EXT1: variants seen among roughly 807,000 people sequenced by gnomAD.
EXT1 encodes the protein exostosin glycosyltransferase 1, also known as exostosin-1.
A neutral mutation model predicts 82.5 loss-of-function variants in EXT1; 20 were observed. The ratio of observed to expected loss-of-function variants is 0.24; its 90% CI spans 0.17 to 0.35. The LOEUF is 0.35. Among genes scored for constraint, EXT1 ranks in the 10% least tolerant of loss-of-function variants. EXT1 has a pLI of 1.00. For synonymous variants in EXT1, 348 were observed against 350.8 expected (o/e 0.99, Z 0.09); for missense variants, 757 against 936.5 (o/e 0.81, Z 2.50).
At chr8:118,052,221 A>ATT (rs927349248) in intron 1 of EXT1, among the ~76,000 whole-genome samples, 2 of 152,202 alleles carry the variant, frequency 1.3e-5, no homozygotes, top group African/African-American at 4.8e-5. Flanking sequence ...AATATGATGG[A>ATT]TTGTTATCTT....
chr8:117,818,298 T>C, intron 7 of EXT1, 137 bp downstream of exon 7: 3 of 740,574 alleles, frequency 4.1e-6, no homozygotes, highest in South Asian at 3.0e-5. Flanking sequence ...AATCTGAGAA[T>C]ATTCTGAGAA....
chr8:118,035,293 G>A (rs1476736378), intron 1 of EXT1, among the ~76,000 whole-genome samples: 1 of 152,168 alleles, frequency 6.6e-6, no homozygotes, highest in African/African-American at 2.4e-5. Flanking sequence ...CAGAGTCGGT[G>A]TGCGGTAGGC....
Position 118,110,510 on chromosome 8 carries a change from C to G in EXT1, c.537G>C (p.Gln179His), listed in dbSNP as rs1817877999. 6.2e-7 allele frequency: 1 copy of G among 1,614,158 alleles called. No homozygotes were observed. Among genetic ancestry groups the G allele is most frequent in the Non-Finnish European group, 8.5e-7 (1 of 1,180,026 alleles). Residue 179 changes from glutamine to histidine, a missense_variant, in exon 1 of 11, where the codon CAG (glutamine) becomes CAC (histidine). Physicochemically the swap from Gln to His is conservative, Grantham distance 24 (BLOSUM62 0). Coordinates refer to ENST00000378204, the MANE Select transcript of EXT1 (RefSeq NM_000127.3). ...TACCATTGTTCCACAAGTGGAGACT[C>G]TGCACTTTGGATCTCAAATTGTGCA... ...QYVHNLRSKV[Q>H]SLHLWNNGRN... is the part of the protein sequence containing the mutation.
intron 7 of EXT1, among the ~76,000 whole-genome samples, chr8:117,814,995 G>A (rs1484960768): frequency 6.6e-6 from 1 of 152,124 alleles, no homozygotes; most frequent in Non-Finnish European, 1.5e-5. Flanking sequence ...TGGCTTCAGG[G>A]GTTGCTCCTA....
chr8:117,989,241 C>A (rs1194255721), intron 1 of EXT1, among the ~76,000 whole-genome samples: 1 of 150,942 alleles, frequency 6.6e-6, no homozygotes, highest in Non-Finnish European at 1.5e-5. Context: ...GGAATTCCTC[C>A]CCCCACCCCC....
intron 1 of EXT1, among the ~76,000 whole-genome samples, chr8:117,961,368 CAG>C (rs1491156141): frequency 6.6e-6 from 1 of 152,134 alleles, no homozygotes; most frequent in Non-Finnish European, 1.5e-5. Flanking sequence ...GATTGGGGGA[CAG>C]GGGGATTCTG....
chr8:117,918,515 T>C (rs1813795131), intron 1 of EXT1, among the ~76,000 whole-genome samples: 1 of 152,220 alleles, frequency 6.6e-6, no homozygotes, highest in Admixed American at 6.5e-5. Flanking sequence ...CTCTTGAATC[T>C]AGGCTGGCTT....
intron 1 of EXT1, among the ~76,000 whole-genome samples, chr8:117,968,923 C>T (rs1336985667): frequency 1.3e-5 from 2 of 152,192 alleles, no homozygotes; most frequent in Non-Finnish European, 2.9e-5. Flanking sequence ...CTATTGTATA[C>T]AGCTCTGTCT....
chr8:117,913,663 T>C (rs1231748451), intron 1 of EXT1, among the ~76,000 whole-genome samples: 2 of 152,190 alleles, frequency 1.3e-5, no homozygotes, highest in East Asian at 1.9e-4. Context: ...GGCCTGCTAC[T>C]CTCAGCTTCT....
At chr8:118,059,502 G>A (rs1403431446) in intron 1 of EXT1, among the ~76,000 whole-genome samples, 1 of 152,170 alleles carries the variant, frequency 6.6e-6, no homozygotes, top group African/African-American at 2.4e-5. Flanking sequence ...TTCCTAACAA[G>A]CGGCCCTGTT....
chr8:118,027,281 G>A (rs185210977), intron 1 of EXT1, among the ~76,000 whole-genome samples: 2 of 151,472 alleles, frequency 1.3e-5, no homozygotes, highest in Non-Finnish European at 1.5e-5. Context: ...CCTGTTTATA[G>A]AGGGGTTTTC....
chr8:117,855,159 C>T (rs777649433), intron 1 of EXT1, among the ~76,000 whole-genome samples: 1 of 152,170 alleles, frequency 6.6e-6, no homozygotes, highest in Non-Finnish European at 1.5e-5. Context: ...GTAAAGTTGT[C>T]GGAAATCATC....
At chr8:117,830,514 G>A (rs2129773047) in intron 3 of EXT1, among the ~76,000 whole-genome samples, 165 bp from the exon 4 acceptor site, 1 of 152,308 alleles carries the variant, frequency 6.6e-6, no homozygotes. Context: ...ACCTTAAGAA[G>A]TGTCAGCTGC....
intron 1 of EXT1, among the ~76,000 whole-genome samples, chr8:117,842,853 C>T (rs1404264998): frequency 6.6e-5 from 10 of 152,208 alleles, no homozygotes; most frequent in African/African-American, 2.4e-4. Context: ...CCCACAATCC[C>T]TCTGTAGCAC....
At position 117,796,196 on chromosome 8, in the gene EXT1, C is replaced by T. The variant is rs1338947472; in HGVS notation, c.*3516G>A. The T allele has an allele frequency of 6.6e-6, 1 of 151,948 alleles. No homozygotes were observed. Among genetic ancestry groups the T allele is most frequent in the Non-Finnish European group, 1.5e-5 (1 of 68,008 alleles). 9.4% of individuals were successfully genotyped at this position (151,948 alleles called of 1,614,324 possible). A position where few individuals can be genotyped will look rare whatever the true frequency, so the allele number is the denominator to read the frequency against. ...TTAAATACTGGAGATCTCAAGAGAC[C>T]CAAGGGAACACAAGACACTTCCAGG... On this transcript the variant is annotated 3_prime_UTR_variant, in exon 11 of 11. Transcript: ENST00000378204.
chr8:117,956,534 T>C (rs1210503199), intron 1 of EXT1, among the ~76,000 whole-genome samples: 1 of 152,102 alleles, frequency 6.6e-6, no homozygotes, highest in Non-Finnish European at 1.5e-5. Context: ...CCTCCACCTC[T>C]GGTGTTCAAG....
intron 3 of EXT1, among the ~76,000 whole-genome samples, chr8:117,831,934 G>C (rs17430224): frequency 0.23 from 34,670 of 152,118 alleles, 4,621 homozygotes; most frequent in Middle Eastern, 0.39. Context: ...ACATGTAAAG[G>C]AGAAATACTG....
intron 1 of EXT1, among the ~76,000 whole-genome samples, chr8:117,947,394 G>A (rs1814410660): frequency 2.0e-5 from 3 of 151,972 alleles, no homozygotes; most frequent in Non-Finnish European, 2.9e-5. Flanking sequence ...TTTAGGCATC[G>A]ACTACTGTGA....
chr8:117,830,194 AT>A, intron 4 of EXT1, 35 bp downstream of exon 4: 1 of 1,613,374 alleles, frequency 6.2e-7, no homozygotes, highest in African/African-American at 1.3e-5. Context: ...ATAAAGGACC[AT>A]TATTCAAGCC....
Sources: allele counts gnomAD v4.1 joint callset (sites outside exome capture counted in the v4.1 genomes callset), GRCh38; gene constraint gnomAD v4.1.1; transcripts MANE v1.5; gene names NCBI Gene and HGNC (gene_info 2026-07-23, HGNC 2026-07-21).